The following TENM3 variants were observed in gnomAD, a reference collection of about 807,000 sequenced individuals.
The protein encoded by TENM3 is teneurin-3.
Under a neutral mutation model 255.1 loss-of-function variants are expected in TENM3, and 63 were observed. That is an observed-to-expected ratio of 0.25 (90% CI 0.20 to 0.30). The LOEUF is 0.30. Ranked by LOEUF, TENM3 falls within the 10% of genes least tolerant of loss-of-function variation. The pLI is 1.00. For synonymous variants in TENM3, 1,306 were observed against 1,322.3 expected (o/e 0.99, Z 0.27); for missense variants, 2,929 against 3,461.1 (o/e 0.85, Z 3.86).
At chr4:181,997,125 CAG>C in the TENM3 span, among the ~76,000 whole-genome samples, 1 of 152,218 alleles carries the variant, frequency 6.6e-6, no homozygotes, top group South Asian at 2.1e-4. Context: ...CTATGCACAT[CAG>C]CCATATTCTA....
chr4:182,799,546 G>A lies in TENM3; in HGVS notation c.7345-50G>A. 6.6e-7 allele frequency: 1 copy of A among 1,519,652 alleles called. No individual in the cohort carries two copies. Among genetic ancestry groups the A allele is most frequent in the Non-Finnish European group, 8.8e-7 (1 of 1,142,266 alleles). 94.1% of individuals were successfully genotyped at this position (1,519,652 alleles called of 1,614,324 possible). On this transcript the variant is annotated intron_variant, in intron 27 of 27. Transcript: ENST00000511685. This position sits in a 1 kb window ranked among gnomAD's most constrained non-coding sequence, Gnocchi z 4.2. ...AGTCCCGTGTGTGGGTCAGGAGTGG[G>A]GAGGCTCCCGGCCGCCTCTGACGCG...
At chr4:181,763,809 G>T in the TENM3 span, among the ~76,000 whole-genome samples, 1 of 152,092 alleles carries the variant, frequency 6.6e-6, no homozygotes, top group Non-Finnish European at 1.5e-5. Context: ...GCAAAATCAG[G>T]TTACTGTTTA....
intron 16 of TENM3, among the ~76,000 whole-genome samples, chr4:182,732,306 A>G (rs1225020382): frequency 6.6e-6 from 1 of 152,214 alleles, no homozygotes; most frequent in African/African-American, 2.4e-5. Context: ...ACTATTGCAC[A>G]TGGCTATTAG....
intron 4 of TENM3, among the ~76,000 whole-genome samples, chr4:182,607,214 A>G (rs967865418): frequency 2.0e-5 from 3 of 152,222 alleles, no homozygotes; most frequent in South Asian, 2.1e-4. Flanking sequence ...ACCTTTCATC[A>G]TAAAGTAGCT....
At chr4:182,731,248 G>A (rs1389173874) in intron 16 of TENM3, 109 bp downstream of exon 16, 3 of 1,149,204 alleles carry the variant, frequency 2.6e-6, no homozygotes, top group Non-Finnish European at 3.7e-6. Context: ...GCTCACTCCT[G>A]TAATCCCAGC....
chr4:182,305,213 A>G (rs201294902), intron 1 of TENM3, among the ~76,000 whole-genome samples: 1 of 129,152 alleles, frequency 7.7e-6, no homozygotes, highest in Non-Finnish European at 1.5e-5. Context: ...AAACAGATCT[A>G]AAAAAAAAAC....
chr4:181,682,719 T>A, the TENM3 span, among the ~76,000 whole-genome samples: 1 of 152,146 alleles, frequency 6.6e-6, no homozygotes, highest in Non-Finnish European at 1.5e-5. Flanking sequence ...AATTAAATTT[T>A]AAAAAATAGG....
chr4:181,749,710 A>G, the TENM3 span, among the ~76,000 whole-genome samples: 17 of 152,262 alleles, frequency 1.1e-4, no homozygotes, highest in East Asian at 3.3e-3. Context: ...TCTTTTGTGA[A>G]TATTGCAAGA....
the TENM3 span, among the ~76,000 whole-genome samples, chr4:181,677,212 G>A: frequency 6.6e-6 from 1 of 151,922 alleles, no homozygotes; most frequent in Non-Finnish European, 1.5e-5. Context: ...CAGTTCCGAC[G>A]TCTGATGTTC....
At chr4:182,261,272 A>G (rs987202919) in intron 1 of TENM3, among the ~76,000 whole-genome samples, 5 of 152,202 alleles carry the variant, frequency 3.3e-5, no homozygotes, top group African/African-American at 7.2e-5. Context: ...CAGTGTTACA[A>G]GCTTGTGAGT....
chr4:181,939,012 G>A, the TENM3 span, among the ~76,000 whole-genome samples: 1 of 151,930 alleles, frequency 6.6e-6, no homozygotes, highest in Middle Eastern at 3.2e-3. Flanking sequence ...TGCATTTTTA[G>A]AACATGCTAT....
the TENM3 span, among the ~76,000 whole-genome samples, chr4:181,456,123 ATATATG>A: frequency 3.2e-5 from 3 of 93,392 alleles, no homozygotes; most frequent in East Asian, 2.3e-4. Context: ...GTATATATAT[ATATATG>A]TGTGTGTGTG....
intron 16 of TENM3, among the ~76,000 whole-genome samples, chr4:182,733,044 GA>G (rs1427711062): frequency 1.4e-4 from 21 of 152,306 alleles, no homozygotes; most frequent in African/African-American, 4.8e-4. Flanking sequence ...CATGAGTGGA[GA>G]GAGGCAGTCA....
the TENM3 span, among the ~76,000 whole-genome samples, chr4:181,485,105 A>G: frequency 2.0e-5 from 3 of 152,162 alleles, no homozygotes; most frequent in African/African-American, 4.8e-5. Flanking sequence ...AATTGTATTA[A>G]TTTTTCTGAG....
intron 1 of TENM3, among the ~76,000 whole-genome samples, chr4:182,232,933 C>T (rs1045030710): frequency 3.9e-5 from 6 of 152,148 alleles, no homozygotes; most frequent in African/African-American, 9.7e-5. Flanking sequence ...CAGAGCAGCA[C>T]GCAACTTTAA....
intron 18 of TENM3, 144 bp downstream of exon 18, chr4:182,738,688 G>A (rs1196788389): frequency 5.0e-6 from 3 of 604,914 alleles, no homozygotes; most frequent in Non-Finnish European, 7.8e-6. Context: ...AAAAATAAAG[G>A]TGAATTTTTA....
chr4:182,047,691 G>A, the TENM3 span, among the ~76,000 whole-genome samples: 3 of 151,748 alleles, frequency 2.0e-5, no homozygotes, highest in South Asian at 2.1e-4. Context: ...TTAACGTTGT[G>A]TAGAGGCAGC....
At chr4:181,465,278 C>G in the TENM3 span, among the ~76,000 whole-genome samples, 8 of 110,038 alleles carry the variant, frequency 7.3e-5, no homozygotes, top group East Asian at 1.7e-3. Flanking sequence ...AAAAAGACAA[C>G]TGAAAAAAAA....
At chr4:182,362,919 T>C (rs1766128831) in intron 3 of TENM3, among the ~76,000 whole-genome samples, 2 of 152,338 alleles carry the variant, frequency 1.3e-5, no homozygotes, top group South Asian at 4.1e-4. Flanking sequence ...CACAACTTTA[T>C]ATACATAATT....
Sources: gnomAD v4.1 joint callset for allele counts (sites outside exome capture counted in the v4.1 genomes callset) on GRCh38, gnomAD v4.1.1 for gene constraint, Gnocchi (gnomAD v3.1) non-coding constraint, MANE v1.5 for transcripts, NCBI Gene and HGNC (gene_info 2026-07-23, HGNC 2026-07-21) for gene names.